ZNF292: variants seen among roughly 807,000 people sequenced by gnomAD.
ZNF292 encodes 16 zinc-finger domain protein.
In ZNF292, 26 loss-of-function variants were observed where a neutral mutation model predicts 217.9. The observed-to-expected ratio is 0.12, with a 90% CI of 0.09 to 0.17. ZNF292 has a LOEUF of 0.17. Ranked by LOEUF, ZNF292 falls within the 10% of genes least tolerant of loss-of-function variation. ZNF292 has a pLI of 1.00. For synonymous variants in ZNF292, 1,257 were observed against 1,124.1 expected, an observed-to-expected ratio of 1.12 and a Z score of -2.37; for missense variants, 2,904 against 3,175.2, an observed-to-expected ratio of 0.91 and a Z score of 2.05.
chr6:87,224,858 A>G (rs1280607521), intron 4 of ZNF292, among the ~76,000 whole-genome samples: 1 of 152,162 alleles, frequency 6.6e-6, no homozygotes, highest in Non-Finnish European at 1.5e-5. Context: ...TGTGGATGTC[A>G]GTTTTCAGAT....
At position 87,258,219 on chromosome 6, in the gene ZNF292, TC is replaced by T. The variant is rs1562188392; in HGVS notation, c.4592del (p.Pro1531GlnfsTer17). 1 of 1,612,308 alleles carries T rather than the reference TC, an allele frequency of 6.2e-7. No individual in the cohort carries two copies. On this transcript the variant is annotated frameshift_variant, in exon 8 of 8. Transcript: ENST00000369577. LOFTEE classifies it high-confidence loss of function. ...SQVNATVMPN[P>X]TVPPLLHTVC... The stretch of plus-strand genomic sequence containing the variant: ...AAGTAAATGCAACGGTGATGCCAAA[TC>T]CAACTGTACCACCCCTGTTGCACAC...
intron 1 of ZNF292, 44 bp downstream of exon 1, chr6:87,155,803 G>A (rs773149660): frequency 2.0e-6 from 3 of 1,520,444 alleles, no homozygotes; most frequent in East Asian, 4.7e-5. Flanking sequence ...CCAGCTAGAG[G>A]GGGAAGAGGG....
intron 1 of ZNF292, among the ~76,000 whole-genome samples, chr6:87,190,329 A>G (rs959592007): frequency 1.3e-5 from 2 of 152,220 alleles, no homozygotes; most frequent in Admixed American, 6.5e-5. Flanking sequence ...TTAGAAGTGA[A>G]TATTGTTAAG....
At chr6:87,159,495 CTTTTTTTTTTT>C (rs772140637) in intron 1 of ZNF292, among the ~76,000 whole-genome samples, 2 of 124,480 alleles carry the variant, frequency 1.6e-5, no homozygotes, top group East Asian at 2.2e-4. Flanking sequence ...TCTTTTCTTT[CTTTTTTTTTTT>C]TTTTTTTTTT....
In ZNF292 at chr6:87,256,335, A is replaced by C; in HGVS notation, c.2706A>C (p.Gln902His). ...KSKAESAVTK[Q>H]DQISASELRQ... ...AAGCAGAATCAGCTGTGACCAAACA[A>C]GACCAGATTTCTGCCTCTGAGCTCA... The change falls in exon 8 of 8, where the codon CAA becomes CAC. Residue 902 changes from glutamine (Q) to histidine (H), a missense_variant. Physicochemically the swap from Gln to His is conservative, Grantham distance 24. Transcript: ENST00000369577. 6.2e-7 allele frequency: 1 copy of C among 1,612,712 alleles called. No individual in the cohort carries two copies. The highest frequency in any genetic ancestry group is 8.5e-7 in the Non-Finnish European group (1 of 1,179,846).
intron 1 of ZNF292, among the ~76,000 whole-genome samples, chr6:87,199,268 T>G (rs1772041273): frequency 6.6e-6 from 1 of 152,268 alleles, no homozygotes; most frequent in Non-Finnish European, 1.5e-5. Context: ...TCTTTTCATG[T>G]GCATTTTCAG....
chr6:87,247,171 TAA>T (rs540303408), intron 7 of ZNF292, among the ~76,000 whole-genome samples: 40 of 133,816 alleles, frequency 3.0e-4, no homozygotes, highest in Admixed American at 4.5e-4. Context: ...GACTTGGTCT[TAA>T]AAAAAAAAAA....
chr6:87,241,852 A>G (rs920551086), intron 5 of ZNF292, among the ~76,000 whole-genome samples: 4 of 152,236 alleles, frequency 2.6e-5, no homozygotes, highest in African/African-American at 7.2e-5. Context: ...CAACGGTGCG[A>G]AAGTGGTACA....
chr6:87,264,443 T>A lies in ZNF292; in HGVS notation c.*2642T>A, dbSNP rs1775748909. Among the ~76,000 whole-genome samples, 1 of 152,352 alleles carries A rather than the reference T, an allele frequency of 6.6e-6. No individual in the cohort carries two copies. The highest frequency in any genetic ancestry group is 6.5e-5 in the Admixed American group (1 of 15,304). On this transcript the variant is annotated 3_prime_UTR_variant, in exon 8 of 8. Coordinates refer to ENST00000369577, the MANE Select transcript of ZNF292 (RefSeq NM_015021.3). ...GGCTAGACATATTTTTAAGGCAAAT[T>A]TTTATCAAGTGAGCAGTCACAGTTG...
chr6:87,226,680 TATAGA>T (rs1562154783), intron 4 of ZNF292, among the ~76,000 whole-genome samples: 723 of 42,836 alleles, frequency 0.017, 7 homozygotes, highest in African/African-American at 0.059. Flanking sequence ...TATATAGATA[TATAGA>T]TTTTTTTTTT....
At chr6:87,227,538 A>T (rs1241526445) in intron 4 of ZNF292, among the ~76,000 whole-genome samples, 1 of 152,176 alleles carries the variant, frequency 6.6e-6, no homozygotes, top group African/African-American at 2.4e-5. Context: ...CATATTTCAG[A>T]ACTTTTTCAT....
In ZNF292 at chr6:87,203,366, C is replaced by CT. The variant is rs559227660; in HGVS notation, c.169-12535dup. On this transcript the variant is annotated intron_variant, in intron 1 of 7. Transcript: ENST00000369577. ...CCGTGTTGCCCATGCTGATCTTGGA[C>CT]TTCTGAGCTTAAGTGATCCACCCGC... 3.6e-3 allele frequency among the ~76,000 whole-genome samples: 544 copies of CT among 151,924 alleles called. 2 individuals are homozygous for CT. Among genetic ancestry groups the CT allele is most frequent in the African/African-American group, 0.013 (523 of 41,404 alleles).
chr6:87,256,637 A>G lies in ZNF292; in HGVS notation c.3008A>G (p.Asn1003Ser), dbSNP rs1241659318. Reference protein sequence around the residue: ...DCFNDAHVTQNSLVNSETLKI... With the variant: ...DCFNDAHVTQSSLVNSETLKI... ...TTTAATGATGCCCATGTTACTCAGA[A>G]TTCTTTAGTAAATTCAGAAACTCTC... The change falls in exon 8 of 8, where the codon AAT (asparagine) becomes AGT (serine). Residue 1003 changes from asparagine to serine, a missense_variant. Asn to Ser is a conservative substitution (Grantham distance 46, BLOSUM62 1). Coordinates refer to ENST00000369577, the MANE Select transcript of ZNF292 (RefSeq NM_015021.3). 1 of 1,613,660 alleles carries G rather than the reference A, an allele frequency of 6.2e-7. No individual in the cohort carries two copies. Among genetic ancestry groups the G allele is most frequent in the South Asian group, 1.1e-5 (1 of 91,078 alleles).
intron 4 of ZNF292, chr6:87,222,683 A>G (rs1281759726): frequency 2.7e-6 from 1 of 372,100 alleles, no homozygotes; most frequent in East Asian, 7.2e-5. Context: ...CACAATTAAT[A>G]AACTAATATT....
rs1313668924 is a variant in ZNF292, at chr6:87,265,503, A to G, written c.*3702A>G. ...CCAAAGTGCAGGTATTACAAGCATGAGCCACCACACCCAGCCTCTCTTAAA... is the reference window on the plus strand; with the variant it reads ...CCAAAGTGCAGGTATTACAAGCATGGGCCACCACACCCAGCCTCTCTTAAA... On this transcript the variant is annotated 3_prime_UTR_variant, in exon 8 of 8. Coordinates refer to ENST00000369577, the MANE Select transcript of ZNF292 (RefSeq NM_015021.3). 2.0e-5 allele frequency among the ~76,000 whole-genome samples: 3 copies of G among 152,134 alleles called. No homozygotes were observed. The highest frequency in any genetic ancestry group is 4.4e-5 in the Non-Finnish European group (3 of 68,026).
chr6:87,232,192 T>A lies in ZNF292; in HGVS notation c.539-1133T>A, dbSNP rs1249146651. On this transcript the variant is annotated intron_variant, in intron 4 of 7. Transcript: ENST00000369577. ...GAGATCTTGTGTTCTATAGCTTATA[T>A]GTTTATGGTTTTAATACCAACGAGC... Among the ~76,000 whole-genome samples the A allele has an allele frequency of 5.3e-5, 8 of 152,266 alleles. No individual in the cohort carries two copies. In the East Asian group the frequency reaches 1.5e-3, roughly 29 times the overall value.
intron 5 of ZNF292, among the ~76,000 whole-genome samples, chr6:87,235,997 GA>G (rs1451530613): frequency 6.6e-6 from 1 of 152,168 alleles, no homozygotes; most frequent in Non-Finnish European, 1.5e-5. Flanking sequence ...GCTTAGAGAT[GA>G]TTGCTCTTTA....
chr6:87,228,199 T>C (rs1464988708), intron 4 of ZNF292, among the ~76,000 whole-genome samples: 1 of 152,206 alleles, frequency 6.6e-6, no homozygotes, highest in East Asian at 1.9e-4. Flanking sequence ...TTTTGATGTT[T>C]CGTATGCTTG....
chr6:87,159,398 A>G (rs1770645878), intron 1 of ZNF292, among the ~76,000 whole-genome samples: 1 of 150,624 alleles, frequency 6.6e-6, no homozygotes, highest in African/African-American at 2.4e-5. Flanking sequence ...TTTTTGAGAG[A>G]TGGGGTCTTG....
Sources: allele counts gnomAD v4.1 joint callset (sites outside exome capture counted in the v4.1 genomes callset), GRCh38; gene constraint gnomAD v4.1.1; transcripts MANE v1.5; gene names NCBI Gene and HGNC (gene_info 2026-07-23, HGNC 2026-07-21).